AFF1: variants seen among roughly 807,000 people sequenced by gnomAD.
AFF1 encodes the protein AF4/FMR2 family member 1.
In AFF1, 48 loss-of-function variants were observed where a neutral mutation model predicts 121.7. The observed-to-expected ratio is 0.39, with a 90% CI of 0.31 to 0.50. The LOEUF is 0.50. AFF1 is among the 20% of genes least tolerant of loss of function. The pLI, the probability that AFF1 is intolerant of heterozygous loss-of-function variation, is 0.76. For missense variants in AFF1, 1,523 were observed against 1,511.7 expected (o/e 1.01, Z -0.12); for synonymous variants, 613 against 563.0 (o/e 1.09, Z -1.26).
chr4:87,115,908 T>A (rs1038338212), intron 12 of AFF1, among the ~76,000 whole-genome samples: 2 of 152,148 alleles, frequency 1.3e-5, no homozygotes, highest in Admixed American at 6.5e-5. Flanking sequence ...TAAGACACGA[T>A]GCCCAGCCTC....
chr4:86,967,057 C>A (rs1035236018), intron 2 of AFF1, among the ~76,000 whole-genome samples: 5 of 152,212 alleles, frequency 3.3e-5, no homozygotes, highest in Admixed American at 6.5e-5. Flanking sequence ...TTGGCATATA[C>A]TATTCCTTCC....
chr4:87,041,773 A>T (rs1405786119), intron 2 of AFF1, among the ~76,000 whole-genome samples: 1 of 152,142 alleles, frequency 6.6e-6, no homozygotes, highest in Non-Finnish European at 1.5e-5. Context: ...TCAACACTTT[A>T]GGAGACTGAG....
At position 87,115,218 on chromosome 4, in the gene AFF1, T is replaced by C. The variant is rs759008454; in HGVS notation, c.2385T>C (p.Asp795=). Residue 795 remains aspartate, a synonymous_variant, in exon 12 of 21, where the codon GAT becomes GAC. Coordinates refer to ENST00000395146, the MANE Select transcript of AFF1 (RefSeq NM_001166693.3). The stretch of plus-strand genomic sequence containing the variant: ...GGAGCCGCCAGAGGAAAGCAGAAGA[T>C]AAACAGCCGCCCGCAGGGAAGAAGC... ...GKGSRQRKAE[D]KQPPAGKKHS... is the part of the protein sequence containing the mutation. 1.2e-6 allele frequency: 2 copies of C among 1,614,072 alleles called. No homozygotes were observed. The highest frequency in any genetic ancestry group is 1.1e-5 in the South Asian group (1 of 91,064).
Position 87,135,777 on chromosome 4 carries a change from G to T in AFF1, c.*76G>T. 6.8e-7 allele frequency: 1 copy of T among 1,470,394 alleles called. No individual in the cohort carries two copies. The highest frequency in any genetic ancestry group is 1.5e-5 in the South Asian group (1 of 66,468). 91.1% of individuals were successfully genotyped at this position (1,470,394 alleles called of 1,614,324 possible). ...AGCCTCAAAAACAGTCCAGACATTT[G>T]TTTCATCAGGACACCAAACTCTAAA... On this transcript the variant is annotated 3_prime_UTR_variant, in exon 21 of 21. Coordinates refer to ENST00000395146, the MANE Select transcript of AFF1 (RefSeq NM_001166693.3).
chr4:87,010,294 C>T (rs1001316543), intron 2 of AFF1, among the ~76,000 whole-genome samples: 1 of 152,064 alleles, frequency 6.6e-6, no homozygotes, highest in Middle Eastern at 3.2e-3. Context: ...TTTTGGGGGT[C>T]ATATTTTGAA....
At chr4:87,071,375 C>T (rs1024935616) in intron 4 of AFF1, among the ~76,000 whole-genome samples, 8 of 152,174 alleles carry the variant, frequency 5.3e-5, no homozygotes, top group African/African-American at 1.7e-4. Context: ...TCAGTCTTTT[C>T]AGGCTCGTTT....
intron 2 of AFF1, among the ~76,000 whole-genome samples, chr4:87,037,367 A>G (rs1475743098): frequency 6.6e-6 from 1 of 152,124 alleles, no homozygotes; most frequent in Non-Finnish European, 1.5e-5. Flanking sequence ...GCTGGAGTGC[A>G]GTGGCGCGTT....
At position 87,108,206 on chromosome 4, in the gene AFF1, G is replaced by C; in HGVS notation, c.1424G>C (p.Ser475Thr). 1 of 1,614,176 alleles carries C rather than the reference G, an allele frequency of 6.2e-7. No homozygotes were observed. The highest frequency in any genetic ancestry group is 1.1e-5 in the South Asian group (1 of 91,084). Residue 475 changes from serine (S) to threonine (T), a missense_variant, in exon 11 of 21, where the codon AGT becomes ACT. Physicochemically the swap from Ser to Thr is moderately conservative, Grantham distance 58 (BLOSUM62 1). Transcript: ENST00000395146. ...PEPVASAHSS[S>T]AESESTSDSD... ...CCAGTGGCATCAGCACATTCCAGCA[G>C]TGCAGAGTCAGAAAGCACCAGTGAC... is the stretch of plus-strand genomic sequence containing the variant.
chr4:87,061,272 G>C (rs1720761684), intron 4 of AFF1, among the ~76,000 whole-genome samples: 1 of 152,244 alleles, frequency 6.6e-6, no homozygotes, highest in Non-Finnish European at 1.5e-5. Flanking sequence ...GACCACAGCA[G>C]TAAAGGGAAG....
intron 2 of AFF1, among the ~76,000 whole-genome samples, chr4:87,017,387 A>G (rs1727412049): frequency 6.6e-6 from 1 of 152,048 alleles, no homozygotes; most frequent in Admixed American, 6.6e-5. Flanking sequence ...AACACCGCTC[A>G]TTTTCCCCCA....
At chr4:86,943,648 A>ACT (rs1392147984) in intron 1 of AFF1, among the ~76,000 whole-genome samples, 1 of 151,560 alleles carries the variant, frequency 6.6e-6, no homozygotes, top group Non-Finnish European at 1.5e-5. Context: ...AACATGGCAA[A>ACT]CTCCTGTCTC....
At chr4:87,108,021 A>G in intron 10 of AFF1, 138 bp from the exon 11 acceptor site, 1 of 846,866 alleles carries the variant, frequency 1.2e-6, no homozygotes, top group Admixed American at 3.0e-5. Context: ...GGCCTCTCTC[A>G]GTTGGATGAC....
chr4:87,009,269 A>G (rs1726482496), intron 2 of AFF1, among the ~76,000 whole-genome samples: 1 of 152,216 alleles, frequency 6.6e-6, no homozygotes, highest in African/African-American at 2.4e-5. Context: ...TTCTTGCCTG[A>G]GGTCACAAAG....
In AFF1 at chr4:87,007,309, C is replaced by T. The variant is rs540811510; in HGVS notation, c.39-38857C>T. 19 of 1,587,958 alleles carry T rather than the reference C, an allele frequency of 1.2e-5. No individual in the cohort carries two copies. In the Admixed American group the frequency reaches 2.3e-4, roughly 20 times the overall value. ...CGGGGCGCCGCGCCGGGACGCGTCC[C>T]CGCCCGGCTCCGCCAAATGGTGAGC... On this transcript the variant is annotated intron_variant, in intron 2 of 20. Transcript: ENST00000395146.
At chr4:87,068,469 A>G (rs1332655086) in intron 4 of AFF1, among the ~76,000 whole-genome samples, 1 of 152,192 alleles carries the variant, frequency 6.6e-6, no homozygotes, top group Non-Finnish European at 1.5e-5. Context: ...TTTAAATCCC[A>G]TAGATTTTTC....
intron 2 of AFF1, among the ~76,000 whole-genome samples, chr4:86,992,989 G>A (rs1328714482): frequency 6.6e-6 from 1 of 152,094 alleles, no homozygotes; most frequent in African/African-American, 2.4e-5. Flanking sequence ...TTCCTATAGG[G>A]TTGCATGAGC....
rs550965190 is a variant in AFF1 at position 86,977,278 on chromosome 4, T to A, written c.38+28707T>A. On this transcript the variant is annotated intron_variant, in intron 2 of 20. Coordinates refer to ENST00000395146, the MANE Select transcript of AFF1 (RefSeq NM_001166693.3). ...AGGTGAGTAGTATCTGTAGTGTAGA[T>A]ATACTGGACAAAGGGATGATTCACG... Among the ~76,000 whole-genome samples, 16 of 152,290 alleles carry A rather than the reference T, an allele frequency of 1.1e-4. No homozygotes were observed. The East Asian group carries it at 2.7e-3, about 26-fold the overall frequency.
intron 2 of AFF1, among the ~76,000 whole-genome samples, chr4:86,949,172 A>G (rs973069346): frequency 1.8e-5 from 2 of 113,768 alleles, no homozygotes; most frequent in South Asian, 2.8e-4. Flanking sequence ...AAATATATAT[A>G]TATATATATT....
At chr4:87,008,224 A>G (rs1726368770) in intron 2 of AFF1, among the ~76,000 whole-genome samples, 1 of 152,210 alleles carries the variant, frequency 6.6e-6, no homozygotes, top group Non-Finnish European at 1.5e-5. Context: ...TTTGCTAGAA[A>G]GCAGTTTGGT....
Sources: allele counts gnomAD v4.1 joint callset (sites outside exome capture counted in the v4.1 genomes callset), GRCh38; gene constraint gnomAD v4.1.1; transcripts MANE v1.5; gene names NCBI Gene and HGNC (gene_info 2026-07-23, HGNC 2026-07-21).